LCORL: variants seen among roughly 807,000 people sequenced by gnomAD.
LCORL encodes ligand dependent nuclear receptor corepressor like.
In LCORL, 41 loss-of-function variants were observed where a neutral mutation model predicts 141.8. That is an observed-to-expected ratio of 0.29 (90% CI 0.23 to 0.38). The LOEUF (loss-of-function observed/expected upper bound fraction) is 0.38, where lower values mean the gene tolerates loss of function less well. Among genes scored for constraint, LCORL ranks in the 10% least tolerant of loss-of-function variants. The probability of loss-of-function intolerance (pLI) is 1.00; values close to 1 mark genes in which losing one functional copy is unlikely to be tolerated. For synonymous variants in LCORL, 618 were observed against 694.1 expected, an observed-to-expected ratio of 0.89 and a Z score of 1.72; for missense variants, 1,759 against 2,035.0, an observed-to-expected ratio of 0.86 and a Z score of 2.61.
intron 4 of LCORL, among the ~76,000 whole-genome samples, chr4:17,936,289 A>C (rs1560369248): frequency 6.6e-6 from 1 of 151,178 alleles, no homozygotes; most frequent in Non-Finnish European, 1.5e-5. Flanking sequence ...CTAAACTTTT[A>C]TCCACTTTTC....
chr4:17,981,544 T>C (rs2109722817), intron 1 of LCORL, among the ~76,000 whole-genome samples: 1 of 151,972 alleles, frequency 6.6e-6, no homozygotes, highest in East Asian at 1.9e-4. Context: ...ACTGCTTGAG[T>C]CTGGGAAACA....
chr4:17,890,660 G>A (rs1481476128), intron 5 of LCORL, among the ~76,000 whole-genome samples: 5 of 151,902 alleles, frequency 3.3e-5, no homozygotes. Flanking sequence ...CTGACCAAAC[G>A]CTATTGTAAA....
chr4:17,864,063 G>T (rs1725323258), intron 7 of LCORL, among the ~76,000 whole-genome samples: 1 of 151,936 alleles, frequency 6.6e-6, no homozygotes, highest in South Asian at 2.1e-4. Flanking sequence ...TTATTACCTG[G>T]GTGATGAAAT....
chr4:18,008,592 T>C (rs1362826403), intron 1 of LCORL, among the ~76,000 whole-genome samples: 1 of 152,210 alleles, frequency 6.6e-6, no homozygotes, highest in Non-Finnish European at 1.5e-5. Context: ...TCACTTAGCC[T>C]CTCTAAGCCT....
chr4:17,940,650 C>T (rs556058675), intron 4 of LCORL, among the ~76,000 whole-genome samples: 63 of 151,684 alleles, frequency 4.2e-4, no homozygotes, highest in African/African-American at 1.4e-3. Flanking sequence ...TTTCTATTAT[C>T]GGAACAGGTA....
rs201163957 is a variant in LCORL at position 17,902,869 on chromosome 4, T to TA, written c.682+6224dup. Among the ~76,000 whole-genome samples the TA allele has an allele frequency of 3.0e-3, 453 of 151,594 alleles. 3 individuals carry two copies. Among genetic ancestry groups the TA allele is most frequent in the African/African-American group, 0.01 (431 of 41,412 alleles). On this transcript the variant is annotated intron_variant, in intron 5 of 7. Coordinates refer to ENST00000635767, the Ensembl canonical transcript of LCORL. ...CCTACTGATAACATTTTGAAGTAATTAAAAAAAAATCTTACTCATCTCTTG... is the reference window on the plus strand; with the variant it reads ...CCTACTGATAACATTTTGAAGTAATTAAAAAAAAAATCTTACTCATCTCTTG...
chr4:17,933,923 T>C (rs1360280814), intron 4 of LCORL, among the ~76,000 whole-genome samples: 1 of 152,022 alleles, frequency 6.6e-6, no homozygotes, highest in Non-Finnish European at 1.5e-5. Context: ...GACCCTTAAT[T>C]TCTTCCTTCT....
At chr4:17,993,774 G>T (rs1388796525) in intron 1 of LCORL, among the ~76,000 whole-genome samples, 7 of 152,118 alleles carry the variant, frequency 4.6e-5, no homozygotes, top group Non-Finnish European at 2.9e-5. Context: ...AAAAAGAAAA[G>T]AATGAAGACA....
intron 4 of LCORL, among the ~76,000 whole-genome samples, chr4:17,931,087 A>C (rs1039500351): frequency 4.6e-5 from 7 of 152,102 alleles, no homozygotes; most frequent in Non-Finnish European, 1.0e-4. Context: ...AATCCATTTC[A>C]CTTAAGTTGT....
chr4:17,872,149 A>C (rs1475378006), intron 7 of LCORL, among the ~76,000 whole-genome samples: 1 of 152,016 alleles, frequency 6.6e-6, no homozygotes, highest in Non-Finnish European at 1.5e-5. Context: ...ACTATATAAT[A>C]TCTTTAAATT....
chr4:17,990,606 A>G (rs959656490), intron 1 of LCORL, among the ~76,000 whole-genome samples: 1 of 150,082 alleles, frequency 6.7e-6, no homozygotes, highest in Non-Finnish European at 1.5e-5. Context: ...TATTAATGAC[A>G]GTGGCTATAA....
chr4:17,976,930 C>A (rs1717096723), intron 1 of LCORL, among the ~76,000 whole-genome samples: 1 of 152,034 alleles, frequency 6.6e-6, no homozygotes, highest in East Asian at 1.9e-4. Context: ...GATTATGTGT[C>A]TTGGCATGGT....
At chr4:17,932,647 G>C (rs185431711) in intron 4 of LCORL, among the ~76,000 whole-genome samples, 96 of 152,288 alleles carry the variant, frequency 6.3e-4, no homozygotes, top group Non-Finnish European at 1.2e-3. Flanking sequence ...ACGAGGCTGA[G>C]CAAGCAGGGG....
intron 1 of LCORL, among the ~76,000 whole-genome samples, chr4:18,010,377 C>CAT (rs962762056): frequency 2.0e-5 from 3 of 148,584 alleles, no homozygotes; most frequent in Non-Finnish European, 3.0e-5. Flanking sequence ...TGTATGGGTA[C>CAT]ATATATATAT....
intron 4 of LCORL, among the ~76,000 whole-genome samples, chr4:17,949,159 T>C (rs1739342331): frequency 6.6e-6 from 1 of 152,082 alleles, no homozygotes; most frequent in Non-Finnish European, 1.5e-5. Flanking sequence ...ATGCTTTTTA[T>C]ACACTTGGTC....
rs187692422 is a variant in LCORL, at chr4:17,982,241, C to T, written c.155-9356G>A. Among the ~76,000 whole-genome samples the T allele has an allele frequency of 1.7e-3, 258 of 151,770 alleles. 1 individual carries two copies. The highest frequency in any genetic ancestry group is 4.4e-3 in the African/African-American group (184 of 41,394). On this transcript the variant is annotated intron_variant, in intron 1 of 7. Transcript: ENST00000635767. ...TGAATAGTGCCACAATGAACATATGCGTGCATGTGTCTTTACATACAATAC... is the reference window on the plus strand; with the variant it reads ...TGAATAGTGCCACAATGAACATATGTGTGCATGTGTCTTTACATACAATAC...
intron 7 of LCORL, among the ~76,000 whole-genome samples, chr4:17,850,060 G>A (rs1320704456): frequency 6.7e-6 from 1 of 149,928 alleles, no homozygotes; most frequent in African/African-American, 2.4e-5. Context: ...AATGGTGCTG[G>A]GAAAACTGGC....
In LCORL at chr4:17,884,075, G is replaced by A. The variant is rs1446507778; in HGVS notation, c.776+1993C>T. The A allele has an allele frequency of 6.4e-7, 1 of 1,550,658 alleles. No individual in the cohort carries two copies. The highest frequency in any genetic ancestry group is 1.2e-5 in the South Asian group (1 of 84,034). ...ATTTTTAGAATTAAGACACAAAGGA[G>A]AGAGGTCCCCATGTAGAAAGTAAGA... is the stretch of plus-strand genomic sequence containing the variant. On this transcript the variant is annotated intron_variant, in intron 6 of 7. Coordinates refer to ENST00000635767, the Ensembl canonical transcript of LCORL. This position sits in a 1 kb window ranked among gnomAD's most constrained non-coding sequence, Gnocchi z 4.4.
At chr4:17,945,579 G>A (rs1320685890) in intron 4 of LCORL, among the ~76,000 whole-genome samples, 1 of 151,760 alleles carries the variant, frequency 6.6e-6, no homozygotes, top group Non-Finnish European at 1.5e-5. Context: ...ATTTCTACAA[G>A]CATTACAAAT....
Sources: allele counts gnomAD v4.1 joint callset (sites outside exome capture counted in the v4.1 genomes callset), GRCh38; gene constraint gnomAD v4.1.1; non-coding constraint Gnocchi (gnomAD v3.1); transcripts MANE v1.5; gene names NCBI Gene and HGNC (gene_info 2026-07-23, HGNC 2026-07-21).